The following PCDHA4 variants were observed in gnomAD, a reference collection of about 807,000 sequenced individuals.
The protein encoded by PCDHA4 is protocadherin alpha 4, also known as protocadherin alpha-4.
A neutral mutation model predicts 61.4 loss-of-function variants in PCDHA4; 49 were observed. The ratio of observed to expected loss-of-function variants is 0.80; its 90% CI spans 0.63 to 1.01. The LOEUF is 1.01. PCDHA4 is among the 50% of genes least tolerant of loss of function. The pLI is 0.00. For synonymous variants in PCDHA4, 590 were observed against 550.3 expected (o/e 1.07, Z -1.01); for missense variants, 1,254 against 1,235.8 (o/e 1.01, Z -0.22).
chr5:140,879,019 T>C (rs1554170641), intron 1 of PCDHA4, among the ~76,000 whole-genome samples: 2 of 152,216 alleles, frequency 1.3e-5, no homozygotes, highest in African/African-American at 4.8e-5. Flanking sequence ...AGATAATGTT[T>C]TATTGAAGAG....
chr5:141,007,812 G>C (rs1446053616), intron 3 of PCDHA4, among the ~76,000 whole-genome samples: 2 of 152,078 alleles, frequency 1.3e-5, no homozygotes, highest in Non-Finnish European at 2.9e-5. Context: ...CCATTCATTT[G>C]CCTTCCCCCA....
At chr5:140,981,332 G>A (rs1407839547) in intron 2 of PCDHA4, among the ~76,000 whole-genome samples, 1 of 152,182 alleles carries the variant, frequency 6.6e-6, no homozygotes, top group Non-Finnish European at 1.5e-5. Context: ...CCAGCACTTT[G>A]GGAGGGTGAG....
intron 1 of PCDHA4, chr5:140,822,752 C>T (rs200831175): frequency 3.1e-6 from 5 of 1,613,700 alleles, no homozygotes; most frequent in Middle Eastern, 1.6e-4. Flanking sequence ...GATAAAAGTA[C>T]ATTCCCATTA....
chr5:140,841,253 G>A, intron 1 of PCDHA4: 1 of 1,510,284 alleles, frequency 6.6e-7, no homozygotes, highest in Non-Finnish European at 8.9e-7. Context: ...TGGATTAAAA[G>A]ACTCTGAAAG....
chr5:140,807,118 G>C lies in PCDHA4; in HGVS notation c.-70G>C. On this transcript the variant is annotated 5_prime_UTR_variant, in exon 1 of 4. It removes the in-frame stop codon of an upstream open reading frame in the 5' UTR. Transcript: ENST00000530339. ...ATGGAGGATGCAGCTGCACTTGACT[G>C]ACCGATTAAAAGATTTCCCTTGACT... 1 of 1,530,056 alleles carries C rather than the reference G, an allele frequency of 6.5e-7. No homozygotes were observed. Among genetic ancestry groups the C allele is most frequent in the Non-Finnish European group, 8.9e-7 (1 of 1,126,838 alleles). The allele number at this position is 1,530,056 out of a possible 1,614,324, so 94.8% of individuals were successfully genotyped here.
rs2150154189 is a variant in PCDHA4, at chr5:140,828,336, G to A, written c.2385+18764G>A. 2 of 1,614,120 alleles carry A rather than the reference G, an allele frequency of 1.2e-6. No individual in the cohort carries two copies. Among genetic ancestry groups the A allele is most frequent in the Non-Finnish European group, 1.7e-6 (2 of 1,180,060 alleles). ...CTTCTGGAGGTAAATCTGCAGAATGGCATTTTGTTTGTGAATTCTCGGATC... is the reference window on the plus strand; with the variant it reads ...CTTCTGGAGGTAAATCTGCAGAATGACATTTTGTTTGTGAATTCTCGGATC... On this transcript the variant is annotated intron_variant, in intron 1 of 3. Transcript: ENST00000530339.
intron 1 of PCDHA4, among the ~76,000 whole-genome samples, chr5:140,945,813 C>G (rs10477097): frequency 1.1e-4 from 16 of 152,202 alleles, no homozygotes; most frequent in African/African-American, 3.6e-4. Context: ...TTATCTCACA[C>G]TGTATACAAA....
chr5:140,876,738 G>C, intron 1 of PCDHA4: 2 of 1,614,264 alleles, frequency 1.2e-6, no homozygotes, highest in Non-Finnish European at 1.7e-6. Flanking sequence ...CGGCCTATGA[G>C]CTGGTGGTGA....
chr5:140,842,896 C>G, intron 1 of PCDHA4: 1 of 1,594,370 alleles, frequency 6.3e-7, no homozygotes, highest in Non-Finnish European at 8.6e-7. Context: ...CGCTGGACCA[C>G]GAGGAGCTAG....
At chr5:140,910,907 G>T (rs1554194477) in intron 1 of PCDHA4, among the ~76,000 whole-genome samples, 3 of 152,102 alleles carry the variant, frequency 2.0e-5, no homozygotes, top group Admixed American at 2.0e-4. Flanking sequence ...CTGTCCTCCA[G>T]ATTTTTGCTT....
In PCDHA4 at chr5:140,837,841, C is replaced by T. The variant is rs148049265; in HGVS notation, c.2385+28269C>T. On this transcript the variant is annotated intron_variant, in intron 1 of 3. Coordinates refer to ENST00000530339, the MANE Select transcript of PCDHA4 (RefSeq NM_018907.4). ...ACAGTTTGCATGTCATTGTGCCTGGCTAATTTTATTTTATTTTTGTAGAGA... is the reference window on the plus strand; with the variant it reads ...ACAGTTTGCATGTCATTGTGCCTGGTTAATTTTATTTTATTTTTGTAGAGA... Among the ~76,000 whole-genome samples, 417 of 151,502 alleles carry T rather than the reference C, an allele frequency of 2.8e-3. 6 individuals carry two copies. The highest frequency in any genetic ancestry group is 9.7e-3 in the African/African-American group (400 of 41,204).
intron 1 of PCDHA4, among the ~76,000 whole-genome samples, chr5:140,910,495 T>C (rs782513326): frequency 1.3e-5 from 2 of 152,176 alleles, no homozygotes; most frequent in Non-Finnish European, 2.9e-5. Flanking sequence ...AGAAGAGCAA[T>C]CACAAAGCTC....
chr5:140,989,517 G>A (rs782479733), intron 3 of PCDHA4, among the ~76,000 whole-genome samples: 4 of 152,186 alleles, frequency 2.6e-5, no homozygotes, highest in Non-Finnish European at 5.9e-5. Flanking sequence ...CCTGAGTTGA[G>A]GGCAGAGGAG....
Position 140,808,450 on chromosome 5 carries a change from T to C in PCDHA4, c.1263T>C (p.Tyr421=). The part of the protein sequence containing the change: ...SALDRESVSA[Y]ELVVTARDGG... ...TGGACCGCGAGAGCGTGTCAGCCTA[T>C]GAGCTGGTGGTGACCGCGCGAGACG... is the stretch of plus-strand genomic sequence containing the variant. Residue 421 remains tyrosine, a synonymous_variant, in exon 1 of 4, where the codon TAT becomes TAC. Coordinates refer to ENST00000530339, the MANE Select transcript of PCDHA4 (RefSeq NM_018907.4). 6.2e-7 allele frequency: 1 copy of C among 1,614,074 alleles called. No homozygotes were observed. The highest frequency in any genetic ancestry group is 2.2e-5 in the East Asian group (1 of 44,880).
intron 1 of PCDHA4, chr5:140,842,580 C>T (rs1778108515): frequency 1.3e-6 from 2 of 1,517,648 alleles, no homozygotes; most frequent in African/African-American, 2.9e-5. Context: ...AGAGTGTCGG[C>T]CTATGAGTTG....
At chr5:141,005,315 G>A (rs1554259986) in intron 3 of PCDHA4, among the ~76,000 whole-genome samples, 1 of 152,186 alleles carries the variant, frequency 6.6e-6, no homozygotes, top group Non-Finnish European at 1.5e-5. Flanking sequence ...TCTTACAGTG[G>A]TAGAGAATAA....
chr5:140,810,327 G>T (rs541763834), intron 1 of PCDHA4: 2 of 152,304 alleles, frequency 1.3e-5, no homozygotes, highest in South Asian at 4.1e-4. Flanking sequence ...CATGTACACA[G>T]ATTTCTCTCA....
At chr5:140,823,913 C>T (rs2150130280) in intron 1 of PCDHA4, 36 of 1,613,888 alleles carry the variant, frequency 2.2e-5, no homozygotes, top group Non-Finnish European at 2.8e-5. Context: ...CTGGTGCTCA[C>T]GCTGCTGCTG....
intron 1 of PCDHA4, among the ~76,000 whole-genome samples, chr5:140,827,413 C>T (rs1769282233): frequency 6.6e-6 from 1 of 152,162 alleles, no homozygotes; most frequent in African/African-American, 2.4e-5. Flanking sequence ...AAAGAATATG[C>T]TCTAGAATTT....
Sources: gnomAD v4.1 joint callset for allele counts (sites outside exome capture counted in the v4.1 genomes callset) on GRCh38, gnomAD v4.1.1 for gene constraint, MANE v1.5 for transcripts, NCBI Gene and HGNC (gene_info 2026-07-23, HGNC 2026-07-21) for gene names.